LCLAT1: variants seen among roughly 807,000 people sequenced by gnomAD.
The protein encoded by LCLAT1 is lysocardiolipin acyltransferase 1.
Under a neutral mutation model 30.7 loss-of-function variants are expected in LCLAT1, and 11 were observed. The ratio of observed to expected loss-of-function variants is 0.36; its 90% confidence interval spans 0.23 to 0.59. The LOEUF (loss-of-function observed/expected upper bound fraction) is 0.59. Ranked by LOEUF, LCLAT1 falls within the 20% of genes least tolerant of loss-of-function variation. LCLAT1 has a pLI of 0.77. For synonymous variants in LCLAT1, 155 were observed against 151.3 expected (o/e 1.02, Z -0.18); for missense variants, 402 against 458.6 (o/e 0.88, Z 1.13).
At position 30,505,360 on chromosome 2, in the gene LCLAT1, G is replaced by A. The variant is rs1684607747; in HGVS notation, c.-4-20227G>A. On this transcript the variant is annotated intron_variant, in intron 1 of 5. Transcript: ENST00000379509. The stretch of plus-strand genomic sequence containing the variant: ...TTTTTTTTTTTTTTAACAATCTACA[G>A]GAGAGGGGAATGGAGTTTTATTGTT... 2.0e-5 allele frequency among the ~76,000 whole-genome samples: 3 copies of A among 149,066 alleles called. No individual in the cohort carries two copies. The South Asian group carries it at 6.3e-4, about 31-fold the overall frequency.
intron 5 of LCLAT1, among the ~76,000 whole-genome samples, chr2:30,594,638 A>G (rs1666849301): frequency 6.6e-6 from 1 of 152,238 alleles, no homozygotes; most frequent in African/African-American, 2.4e-5. Context: ...CAAAGTGGCC[A>G]GTTACCACTA....
chr2:30,594,549 A>T, intron 5 of LCLAT1, among the ~76,000 whole-genome samples: 1 of 152,150 alleles, frequency 6.6e-6, no homozygotes. Flanking sequence ...CGTGACTAAG[A>T]TTCCTTTAAT....
chr2:30,468,763 A>T (rs1347978802), intron 1 of LCLAT1, among the ~76,000 whole-genome samples: 1 of 152,226 alleles, frequency 6.6e-6, no homozygotes, highest in Non-Finnish European at 1.5e-5. Flanking sequence ...AATATTTCAT[A>T]TAAATGAAAT....
chr2:30,571,054 T>C (rs1572641073), intron 5 of LCLAT1, among the ~76,000 whole-genome samples: 2 of 152,326 alleles, frequency 1.3e-5, no homozygotes, highest in East Asian at 1.9e-4. Context: ...AGACTTGAGA[T>C]CATCATATAG....
chr2:30,562,630 C>G (rs1481252449), intron 4 of LCLAT1, among the ~76,000 whole-genome samples: 2 of 152,176 alleles, frequency 1.3e-5, no homozygotes, highest in Non-Finnish European at 2.9e-5. Context: ...GTAGGCAACT[C>G]CAAGCGGTCA....
chr2:30,516,577 T>C (rs1685196234), intron 1 of LCLAT1, among the ~76,000 whole-genome samples: 2 of 152,144 alleles, frequency 1.3e-5, no homozygotes, highest in Admixed American at 1.3e-4. Context: ...ACTCCCCTCG[T>C]GGCCCAAGGT....
chr2:30,599,032 G>C (rs965129697), intron 5 of LCLAT1, among the ~76,000 whole-genome samples: 4 of 151,696 alleles, frequency 2.6e-5, no homozygotes, highest in Non-Finnish European at 2.9e-5. Context: ...GTCCAGGCTA[G>C]AGTGCAGTGG....
intron 5 of LCLAT1, among the ~76,000 whole-genome samples, chr2:30,618,901 C>A (rs1668115044): frequency 6.6e-6 from 1 of 152,112 alleles, no homozygotes; most frequent in South Asian, 2.1e-4. Flanking sequence ...TCTGTATGCC[C>A]TTTTTTGTTT....
intron 5 of LCLAT1, among the ~76,000 whole-genome samples, chr2:30,569,900 TGGA>T (rs1367465331): frequency 6.6e-6 from 1 of 152,152 alleles, no homozygotes; most frequent in Non-Finnish European, 1.5e-5. Flanking sequence ...TGGAAGTTCA[TGGA>T]GAATACAGTT....
At chr2:30,455,079 A>ACAGTGGATATAATTGGATC (rs562816013) in intron 1 of LCLAT1, among the ~76,000 whole-genome samples, 2,156 of 152,238 alleles carry the variant, frequency 0.014, 28 homozygotes, top group Non-Finnish European at 0.021. Flanking sequence ...AACTGAGTAT[A>ACAGTGGATATAATTGGATC]CAGTGGATAT....
chr2:30,615,987 C>T (rs77107692), intron 5 of LCLAT1, among the ~76,000 whole-genome samples: 5,352 of 152,094 alleles, frequency 0.035, 320 homozygotes, highest in African/African-American at 0.12. Flanking sequence ...GGGTAGAGGG[C>T]ACTAGACAGA....
chr2:30,601,642 T>TGCAA lies in LCLAT1; in HGVS notation c.628+33469_628+33472dup, dbSNP rs938343587. ...TTTAGTACAGACTCATGGTCAGCAGTGCAAGCTTCAGATCCCAAGATTAAT... is the reference window on the plus strand; with the variant it reads ...TTTAGTACAGACTCATGGTCAGCAGTGCAAGCAAGCTTCAGATCCCAAGATTAAT... On this transcript the variant is annotated intron_variant, in intron 5 of 5. Transcript: ENST00000379509. Among the ~76,000 whole-genome samples, 141 of 144,062 alleles carry TGCAA rather than the reference T, an allele frequency of 9.8e-4. 1 individual carries two copies. The highest frequency in any genetic ancestry group is 3.8e-3 in the African/African-American group (135 of 35,980). The allele number at this position is 144,062 out of a possible 152,430, so 94.5% of individuals were successfully genotyped here.
At chr2:30,531,289 A>T (rs1400004665) in intron 2 of LCLAT1, among the ~76,000 whole-genome samples, 1 of 151,686 alleles carries the variant, frequency 6.6e-6, no homozygotes, top group Non-Finnish European at 1.5e-5. Context: ...AAAAAGGGAC[A>T]TTTTTTGCTG....
intron 1 of LCLAT1, among the ~76,000 whole-genome samples, chr2:30,489,643 G>T (rs537313386): frequency 6.6e-6 from 1 of 152,114 alleles, no homozygotes; most frequent in Non-Finnish European, 1.5e-5. Context: ...TGAGCACCGC[G>T]CCCAGCCCAC....
chr2:30,624,884 T>C (rs1258204399), intron 5 of LCLAT1, among the ~76,000 whole-genome samples: 1 of 152,070 alleles, frequency 6.6e-6, no homozygotes, highest in African/African-American at 2.4e-5. Context: ...TCCCAATAAA[T>C]TCGAGAAAAA....
At chr2:30,523,424 C>T (rs1215370025) in intron 1 of LCLAT1, among the ~76,000 whole-genome samples, 1 of 152,120 alleles carries the variant, frequency 6.6e-6, no homozygotes, top group East Asian at 1.9e-4. Flanking sequence ...TGCTGCTTTC[C>T]AGTGGCCTTT....
chr2:30,534,630 C>T (rs1686153105), intron 3 of LCLAT1, among the ~76,000 whole-genome samples: 1 of 152,156 alleles, frequency 6.6e-6, no homozygotes, highest in African/African-American at 2.4e-5. Context: ...CTCTTTGCCA[C>T]TTTTCCAATA....
chr2:30,556,326 A>T (rs1664917200), intron 3 of LCLAT1, among the ~76,000 whole-genome samples: 2 of 152,190 alleles, frequency 1.3e-5, no homozygotes, highest in Non-Finnish European at 2.9e-5. Flanking sequence ...GGCCATATAT[A>T]CAAAGACAGG....
chr2:30,639,207 C>T (rs1669181525), intron 5 of LCLAT1, among the ~76,000 whole-genome samples: 1 of 152,182 alleles, frequency 6.6e-6, no homozygotes, highest in Non-Finnish European at 1.5e-5. Flanking sequence ...AGAACATTTG[C>T]TCTGCCACTA....
Sources: gnomAD v4.1 joint callset for allele counts (sites outside exome capture counted in the v4.1 genomes callset) on GRCh38, gnomAD v4.1.1 for gene constraint, MANE v1.5 for transcripts, NCBI Gene and HGNC (gene_info 2026-07-23, HGNC 2026-07-21) for gene names.